MIER2: variants seen among roughly 807,000 people sequenced by gnomAD.
The protein encoded by MIER2 is MIER family member 2, also known as mesoderm induction early response protein 2.
A neutral mutation model predicts 67.6 loss-of-function variants in MIER2; 30 were observed. That is an observed-to-expected ratio of 0.44 (90% CI 0.33 to 0.60). The LOEUF (loss-of-function observed/expected upper bound fraction) is 0.60. Among genes scored for constraint, MIER2 ranks in the 20% least tolerant of loss-of-function variants. The pLI, the probability that MIER2 is intolerant of heterozygous loss-of-function variation, is 0.02. For missense variants in MIER2, 702 were observed against 745.1 expected (o/e 0.94, Z 0.67); for synonymous variants, 372 against 312.6 (o/e 1.19, Z -2.00).
intron 7 of MIER2, among the ~76,000 whole-genome samples, chr19:325,168 G>A (rs893214517): frequency 3.9e-5 from 6 of 152,264 alleles, no homozygotes; most frequent in African/African-American, 1.4e-4. Context: ...GCAAGAGAGG[G>A]TCGATTTTGA....
Position 306,339 on chromosome 19 carries a change from G to A in MIER2, c.*351C>T, listed in dbSNP as rs995025495. 9.0e-5 allele frequency: 32 copies of A among 356,936 alleles called. No homozygotes were observed. The highest frequency in any genetic ancestry group is 1.8e-4 in the Admixed American group (4 of 22,630). 22.1% of individuals were successfully genotyped at this position (356,936 alleles called of 1,614,324 possible). ...CGCCGGGGCAGTGACGCCTTCCCTC[G>A]CCTCTGCTGGCTGGAAGGGACTAGG... On this transcript the variant is annotated 3_prime_UTR_variant, in exon 14 of 14. Transcript: ENST00000264819.
intron 1 of MIER2, among the ~76,000 whole-genome samples, chr19:336,973 G>A (rs1201996476): frequency 1.3e-5 from 2 of 152,014 alleles, no homozygotes; most frequent in Non-Finnish European, 2.9e-5. Context: ...CTCCCGAGTA[G>A]CTAGGACTAC....
Position 322,053 on chromosome 19 carries a change from C to T in MIER2, c.655+3582G>A, listed in dbSNP as rs531396006. On this transcript the variant is annotated intron_variant, in intron 7 of 13. Transcript: ENST00000264819. ...CCAAGTAGCTGGGACTACAGGTGCC[C>T]GCCACCACACCTGGCTCATTTTTGT... is the stretch of plus-strand genomic sequence containing the variant. Among the ~76,000 whole-genome samples, 5 of 152,078 alleles carry T rather than the reference C, an allele frequency of 3.3e-5. No individual in the cohort carries two copies. The South Asian group carries it at 6.2e-4, about 19-fold the overall frequency.
At chr19:320,896 T>C (rs1971473374) in intron 7 of MIER2, among the ~76,000 whole-genome samples, 1 of 152,184 alleles carries the variant, frequency 6.6e-6, no homozygotes, top group African/African-American at 2.4e-5. Context: ...CTTCTCGAAT[T>C]TTCTCTGAAA....
intron 7 of MIER2, 112 bp downstream of exon 7, chr19:325,523 A>G: frequency 8.2e-7 from 1 of 1,216,754 alleles, no homozygotes; most frequent in South Asian, 1.3e-5. Flanking sequence ...CAGCTGCCCC[A>G]GTGAGCGATG....
chr19:327,821 C>CA, intron 4 of MIER2, 43 bp downstream of exon 4: 1 of 1,606,544 alleles, frequency 6.2e-7, no homozygotes, highest in Non-Finnish European at 8.5e-7. Flanking sequence ...CAGGCCCCCC[C>CA]ACCTTCAGCT....
Position 344,771 on chromosome 19 carries a change from C to G in MIER2, c.9+3G>C. 1 of 1,190,594 alleles carries G rather than the reference C, an allele frequency of 8.4e-7. No individual in the cohort carries two copies. Among genetic ancestry groups the G allele is most frequent in the Non-Finnish European group, 1.0e-6 (1 of 961,382 alleles). The allele number at this position is 1,190,594 out of a possible 1,614,324, so 73.8% of individuals were successfully genotyped here. A position where few individuals can be genotyped will look rare whatever the true frequency, so the allele number is the denominator to read the frequency against. ...GGCCGGCTCCCCCGGCCCGCTCACT[C>G]ACCTCCGCCATGGCCGTGTGTGCGC... On this transcript the variant is annotated splice_donor_region_variant and intron_variant, in intron 1 of 13. Transcript: ENST00000264819.
intron 10 of MIER2, 127 bp downstream of exon 10, chr19:311,718 G>A (rs374319628): frequency 7.3e-5 from 60 of 818,362 alleles, no homozygotes; most frequent in African/African-American, 4.6e-4. Context: ...ATGGGCACAC[G>A]GTGAGGAGGC....
rs1972142020 is a variant in MIER2 at position 334,252 on chromosome 19, T to A, written c.243+148A>T. On this transcript the variant is annotated intron_variant, in intron 3 of 13. Transcript: ENST00000264819. The stretch of plus-strand genomic sequence containing the variant: ...CATGAAAGACCTGGTCTCCACTGAA[T>A]TTCAGCTACTAGGACAGCATCTGGC... 6 of 1,173,270 alleles carry A rather than the reference T, an allele frequency of 5.1e-6. No homozygotes were observed. In the East Asian group the frequency reaches 1.4e-4, roughly 28 times the overall value. The allele number at this position is 1,173,270 out of a possible 1,614,324, so 72.7% of individuals were successfully genotyped here.
chr19:341,415 A>C (rs1208540921), intron 1 of MIER2, among the ~76,000 whole-genome samples: 1 of 152,176 alleles, frequency 6.6e-6, no homozygotes, highest in Non-Finnish European at 1.5e-5. Context: ...AGGAGAGCTA[A>C]GGCAGAGGGG....
At chr19:334,248 T>C (rs1972141933) in intron 3 of MIER2, 152 bp downstream of exon 3, 1 of 1,133,766 alleles carries the variant, frequency 8.8e-7, no homozygotes, top group Non-Finnish European at 1.3e-6. Flanking sequence ...TGGTCTCCAC[T>C]GAATTTCAGC....
chr19:326,178 C>T (rs1410422686), intron 6 of MIER2, among the ~76,000 whole-genome samples: 3 of 151,868 alleles, frequency 2.0e-5, no homozygotes, highest in East Asian at 1.9e-4. Flanking sequence ...GGCAGAACCA[C>T]GGCTGGGATG....
chr19:344,380 G>C (rs1264924770), intron 1 of MIER2: 1 of 984,738 alleles, frequency 1.0e-6, no homozygotes, highest in African/African-American at 1.7e-5. Flanking sequence ...GGCGCGGGAG[G>C]GGAGGCCTGC....
At chr19:340,907 G>A (rs1972473156) in intron 1 of MIER2, among the ~76,000 whole-genome samples, 1 of 152,142 alleles carries the variant, frequency 6.6e-6, no homozygotes, top group Non-Finnish European at 1.5e-5. Flanking sequence ...CAGGGGGAAG[G>A]GGCCACGGGA....
chr19:327,817 C>T (rs1971828273), intron 4 of MIER2, 47 bp downstream of exon 4: 2 of 1,605,800 alleles, frequency 1.2e-6, no homozygotes, highest in Non-Finnish European at 1.7e-6. Context: ...GCGCCAGGCC[C>T]CCCCACCTTC....
At chr19:341,571 C>A (rs1233545761) in intron 1 of MIER2, among the ~76,000 whole-genome samples, 2 of 152,090 alleles carry the variant, frequency 1.3e-5, no homozygotes, top group Admixed American at 1.3e-4. Flanking sequence ...CTTCTTCCTC[C>A]CGCTGCCCCT....
At chr19:335,489 G>A (rs184179906) in intron 2 of MIER2, among the ~76,000 whole-genome samples, 6 of 152,330 alleles carry the variant, frequency 3.9e-5, no homozygotes, top group Admixed American at 1.3e-4. Flanking sequence ...GGATGGCACC[G>A]CCTTCTCTGG....
At chr19:342,242 T>C (rs1012125859) in intron 1 of MIER2, among the ~76,000 whole-genome samples, 1 of 152,160 alleles carries the variant, frequency 6.6e-6, no homozygotes, top group African/African-American at 2.4e-5. Flanking sequence ...GTGGTTAACC[T>C]GAGAAACAAG....
chr19:332,491 G>A (rs926246017), intron 3 of MIER2, among the ~76,000 whole-genome samples: 41 of 151,020 alleles, frequency 2.7e-4, no homozygotes, highest in Non-Finnish European at 5.3e-4. Context: ...TAGTAGAGAC[G>A]GGGTTTCACC....
Sources: gnomAD v4.1 joint callset for allele counts (sites outside exome capture counted in the v4.1 genomes callset) on GRCh38, gnomAD v4.1.1 for gene constraint, MANE v1.5 for transcripts, NCBI Gene and HGNC (gene_info 2026-07-23, HGNC 2026-07-21) for gene names.